Variants in SIPA1L1 observed in about 807,000 individuals in gnomAD.
The protein encoded by SIPA1L1 is signal-induced proliferation-associated 1-like protein 1.
Under a neutral mutation model 162.7 loss-of-function variants are expected in SIPA1L1, and 26 were observed. The observed-to-expected ratio is 0.16, with a 90% CI of 0.12 to 0.22. SIPA1L1 has a LOEUF of 0.22. Among genes scored for constraint, SIPA1L1 ranks in the 10% least tolerant of loss-of-function variants. The pLI, the probability that SIPA1L1 is intolerant of heterozygous loss-of-function variation, is 1.00. For synonymous variants in SIPA1L1, 829 were observed against 837.4 expected, an observed-to-expected ratio of 0.99 and a Z score of 0.17; for missense variants, 1,874 against 2,241.0, an observed-to-expected ratio of 0.84 and a Z score of 3.31.
chr14:71,710,305 T>C (rs2082770500), intron 17 of SIPA1L1, among the ~76,000 whole-genome samples: 1 of 152,216 alleles, frequency 6.6e-6, no homozygotes, highest in East Asian at 1.9e-4. Flanking sequence ...ATAAAATAAA[T>C]ACTATTTGTC....
At chr14:71,738,364 C>G (rs2085505623) in intron 23 of SIPA1L1, 39 bp downstream of exon 23, 3 of 1,395,246 alleles carry the variant, frequency 2.2e-6, no homozygotes, top group Non-Finnish European at 3.1e-6. Context: ...CCAGTCTGTA[C>G]AAACTACCCT....
At chr14:71,372,806 C>T (rs1268004055) in intron 2 of SIPA1L1, among the ~76,000 whole-genome samples, 1 of 152,116 alleles carries the variant, frequency 6.6e-6, no homozygotes, top group Non-Finnish European at 1.5e-5. Flanking sequence ...GCTTTACAAA[C>T]ACAGGAATAA....
intron 2 of SIPA1L1, among the ~76,000 whole-genome samples, chr14:71,411,655 T>A (rs943748564): frequency 4.9e-4 from 74 of 152,270 alleles, no homozygotes; most frequent in African/African-American, 1.8e-3. Context: ...GAGTGGGAGC[T>A]CCCGACTGGA....
chr14:71,558,322 A>G (rs1215642486), intron 4 of SIPA1L1, among the ~76,000 whole-genome samples: 1 of 152,150 alleles, frequency 6.6e-6, no homozygotes, highest in Non-Finnish European at 1.5e-5. Context: ...TGATCTCATG[A>G]CTATATAGAG....
chr14:71,394,350 T>A (rs951981493), intron 2 of SIPA1L1, among the ~76,000 whole-genome samples: 1 of 152,248 alleles, frequency 6.6e-6, no homozygotes, highest in African/African-American at 2.4e-5. Context: ...CCTCTATTAC[T>A]ATTATTTTGT....
intron 2 of SIPA1L1, among the ~76,000 whole-genome samples, chr14:71,386,502 A>G (rs1158519202): frequency 1.3e-5 from 2 of 152,190 alleles, no homozygotes; most frequent in African/African-American, 4.8e-5. Flanking sequence ...GCATCCTTCA[A>G]TCCAATCAAG....
intron 2 of SIPA1L1, among the ~76,000 whole-genome samples, chr14:71,491,444 T>C (rs983590572): frequency 6.6e-6 from 1 of 152,086 alleles, no homozygotes; most frequent in Admixed American, 6.6e-5. Context: ...GGAAGAGAAA[T>C]GAAACAAATA....
At chr14:71,658,539 C>T (rs2149210758) in intron 9 of SIPA1L1, 103 bp downstream of exon 9, 2 of 753,676 alleles carry the variant, frequency 2.7e-6, no homozygotes, top group South Asian at 3.0e-5. Flanking sequence ...TAGTGTTGCA[C>T]CTGTCACAGC....
intron 7 of SIPA1L1, among the ~76,000 whole-genome samples, chr14:71,629,923 A>T (rs1185538321): frequency 6.6e-6 from 1 of 152,222 alleles, no homozygotes; most frequent in Non-Finnish European, 1.5e-5. Context: ...ACATGAATGA[A>T]ATTCTCTGCT....
chr14:71,429,290 C>T (rs2043810285), intron 2 of SIPA1L1, among the ~76,000 whole-genome samples: 1 of 152,124 alleles, frequency 6.6e-6, no homozygotes, highest in Non-Finnish European at 1.5e-5. Context: ...GGCTTGCTCT[C>T]CACTGGTAAA....
intron 2 of SIPA1L1, among the ~76,000 whole-genome samples, chr14:71,408,204 A>G (rs1257173748): frequency 6.6e-6 from 1 of 152,184 alleles, no homozygotes; most frequent in East Asian, 1.9e-4. Flanking sequence ...TTTAGAAATC[A>G]GTTTTAAAAC....
intron 4 of SIPA1L1, among the ~76,000 whole-genome samples, chr14:71,550,809 G>A (rs2055750724): frequency 6.6e-6 from 1 of 152,124 alleles, no homozygotes; most frequent in Non-Finnish European, 1.5e-5. Context: ...CCAGCACTTA[G>A]GGAGGCTGAA....
chr14:71,455,486 T>A (rs1339890609), intron 2 of SIPA1L1, among the ~76,000 whole-genome samples: 1 of 152,204 alleles, frequency 6.6e-6, no homozygotes, highest in Non-Finnish European at 1.5e-5. Flanking sequence ...ATTGGTGTGA[T>A]TTAATTGGTG....
intron 10 of SIPA1L1, among the ~76,000 whole-genome samples, chr14:71,666,642 C>T (rs1431306050): frequency 6.6e-6 from 1 of 152,126 alleles, no homozygotes; most frequent in Non-Finnish European, 1.5e-5. Flanking sequence ...TGTTACTCCT[C>T]TCAGAGAGGT....
intron 4 of SIPA1L1, among the ~76,000 whole-genome samples, chr14:71,550,640 T>C (rs1426536228): frequency 6.6e-6 from 1 of 151,988 alleles, no homozygotes; most frequent in Non-Finnish European, 1.5e-5. Flanking sequence ...TGTTATCTAG[T>C]TGCATGACTT....
chr14:71,573,709 A>G (rs770718294), intron 4 of SIPA1L1: 4 of 456,608 alleles, frequency 8.8e-6, no homozygotes, highest in African/African-American at 2.0e-5. Context: ...TTACCTGCCA[A>G]TGGTTTTTTT....
rs537977233 is a variant in SIPA1L1 at position 71,718,524 on chromosome 14, C to T, written c.4209-5123C>T. ...TGAAAGCCAGGTGTGGCAGTGAGCA[C>T]TTGTAGTCCTGGCTACTTGGGGGGC... On this transcript the variant is annotated intron_variant, in intron 17 of 23. Coordinates refer to ENST00000381232, the MANE Select transcript of SIPA1L1 (RefSeq NM_001386936.1). Among the ~76,000 whole-genome samples, 5 of 152,310 alleles carry T rather than the reference C, an allele frequency of 3.3e-5. No homozygotes were observed. In the South Asian group the frequency reaches 1.0e-3, roughly 32 times the overall value.
chr14:71,730,114 C>A lies in SIPA1L1; in HGVS notation c.4674C>A (p.Ala1558=). 1.2e-6 allele frequency: 2 copies of A among 1,614,160 alleles called. No homozygotes were observed. Among genetic ancestry groups the A allele is most frequent in the Non-Finnish European group, 1.7e-6 (2 of 1,180,004 alleles). ...PFPSTPTSRR[A]LHRTLSDESI... The stretch of plus-strand genomic sequence containing the variant: ...CCAGCACCCCCACCTCACGGCGGGC[C>A]TTGCACAGAACACTGTCGGACGAGA... Residue 1558 remains alanine, a synonymous_variant, in exon 20 of 24, where the codon GCC becomes GCA. Transcript: ENST00000381232.
rs1205723746 is a variant in SIPA1L1 at position 71,588,857 on chromosome 14, A to G, written c.985A>G (p.Lys329Glu). Reference protein sequence around the residue: ...EDSVRPWTCPKCFAHYDVQSI... With the variant: ...EDSVRPWTCPECFAHYDVQSI... ...CTCTGTCAGGCCCTGGACATGTCCAAAGTGCTTTGCCCACTATGATGTCCA... is the reference window on the plus strand; with the variant it reads ...CTCTGTCAGGCCCTGGACATGTCCAGAGTGCTTTGCCCACTATGATGTCCA... Residue 329 changes from lysine (K) to glutamate (E), a missense_variant, in exon 5 of 24, where the codon AAG (lysine) becomes GAG (glutamate). Physicochemically the swap from Lys to Glu is moderately conservative, Grantham distance 56 (BLOSUM62 1). Coordinates refer to ENST00000381232, the MANE Select transcript of SIPA1L1 (RefSeq NM_001386936.1). This position sits in a 1 kb window ranked among gnomAD's most constrained non-coding sequence, Gnocchi z 4.3. 1 of 1,613,998 alleles carries G rather than the reference A, an allele frequency of 6.2e-7. No homozygotes were observed. The highest frequency in any genetic ancestry group is 8.5e-7 in the Non-Finnish European group (1 of 1,180,004).
Sources: gnomAD v4.1 joint callset for allele counts (sites outside exome capture counted in the v4.1 genomes callset) on GRCh38, gnomAD v4.1.1 for gene constraint, Gnocchi (gnomAD v3.1) non-coding constraint, MANE v1.5 for transcripts, NCBI Gene and HGNC (gene_info 2026-07-23, HGNC 2026-07-21) for gene names.